The following PAX2 variants were observed in gnomAD, a reference collection of about 807,000 sequenced individuals.
PAX2 encodes paired box 2, also known as paired box protein Pax-2.
A neutral mutation model predicts 41.7 loss-of-function variants in PAX2; 9 were observed. The ratio of observed to expected loss-of-function variants is 0.22; its 90% CI spans 0.13 to 0.38. The LOEUF (loss-of-function observed/expected upper bound fraction) is 0.38, where lower values mean the gene tolerates loss of function less well. Among genes scored for constraint, PAX2 ranks in the 10% least tolerant of loss-of-function variants. The pLI, the probability that PAX2 is intolerant of heterozygous loss-of-function variation, is 1.00. For missense variants in PAX2, 418 were observed against 531.6 expected, an observed-to-expected ratio of 0.79 and a Z score of 2.10; for synonymous variants, 221 against 212.7, an observed-to-expected ratio of 1.04 and a Z score of -0.34.
At chr10:100,740,378 A>C (rs978855155) in intron 1 of PAX2, among the ~76,000 whole-genome samples, 24 of 152,198 alleles carry the variant, frequency 1.6e-4, no homozygotes, top group African/African-American at 5.6e-4. Flanking sequence ...GGAGGTATAG[A>C]CAGAGGGAAG....
intron 6 of PAX2, among the ~76,000 whole-genome samples, chr10:100,807,360 G>A (rs1023499479): frequency 9.3e-5 from 14 of 150,644 alleles, no homozygotes; most frequent in South Asian, 8.5e-4. Context: ...CACAGCCCAC[G>A]GTACTGTGCT....
chr10:100,793,685 T>C (rs1847220522), intron 5 of PAX2, among the ~76,000 whole-genome samples: 1 of 152,210 alleles, frequency 6.6e-6, no homozygotes, highest in African/African-American at 2.4e-5. Context: ...AAGGGGCCCC[T>C]CAGACAATCC....
intron 1 of PAX2, chr10:100,747,466 A>AT (rs149397887): frequency 0.063 from 15,018 of 237,334 alleles, 774 homozygotes; most frequent in African/African-American, 0.16. Context: ...CTATTCTGAG[A>AT]TTTTTTTTGC....
intron 7 of PAX2, among the ~76,000 whole-genome samples, chr10:100,812,206 T>C (rs1848012947): frequency 6.6e-6 from 1 of 152,212 alleles, no homozygotes; most frequent in African/African-American, 2.4e-5. Flanking sequence ...TGGGTAGTGT[T>C]TGCAAGTTCT....
intron 3 of PAX2, among the ~76,000 whole-genome samples, chr10:100,755,663 G>A (rs1029872333): frequency 6.6e-6 from 1 of 152,180 alleles, no homozygotes; most frequent in African/African-American, 2.4e-5. Context: ...ACCCTGAGAG[G>A]CAACAATCAG....
Position 100,828,040 on chromosome 10 carries a change from G to C in PAX2, c.*421G>C, listed in dbSNP as rs1031281110. 21 of 242,326 alleles carry C rather than the reference G, an allele frequency of 8.7e-5. No homozygotes were observed. Among genetic ancestry groups the C allele is most frequent in the African/African-American group, 4.4e-4 (20 of 45,144 alleles). 15.0% of individuals were successfully genotyped at this position (242,326 alleles called of 1,614,324 possible). A position where few individuals can be genotyped will look rare whatever the true frequency, so the allele number is the denominator to read the frequency against. The stretch of plus-strand genomic sequence containing the variant: ...CACAATCAGCGCGGACCGCAGCGCG[G>C]CCCAGCCCCGGGCACCCGCCTCGGA... On this transcript the variant is annotated 3_prime_UTR_variant, in exon 10 of 10. Transcript: ENST00000355243. The surrounding 1 kb of genome is among the most constrained non-coding windows in gnomAD (Gnocchi z 6.5).
chr10:100,762,813 T>A (rs538258946), intron 3 of PAX2, among the ~76,000 whole-genome samples: 1 of 152,278 alleles, frequency 6.6e-6, no homozygotes, highest in South Asian at 2.1e-4. Flanking sequence ...TGACAATACA[T>A]AGAGATGCTA....
At chr10:100,819,594 A>AAACATC (rs1848314117) in intron 7 of PAX2, among the ~76,000 whole-genome samples, 1 of 152,168 alleles carries the variant, frequency 6.6e-6, no homozygotes, top group African/African-American at 2.4e-5. Context: ...ATAAAAATAA[A>AAACATC]AACATCAACA....
At chr10:100,766,470 T>C (rs1419931283) in intron 3 of PAX2, among the ~76,000 whole-genome samples, 2 of 152,162 alleles carry the variant, frequency 1.3e-5, no homozygotes, top group East Asian at 3.9e-4. Flanking sequence ...GCTGTTCCCA[T>C]TGGGATTGGC....
At chr10:100,769,093 C>T (rs915920253) in intron 3 of PAX2, among the ~76,000 whole-genome samples, 6 of 152,140 alleles carry the variant, frequency 3.9e-5, no homozygotes, top group Admixed American at 6.5e-5. Flanking sequence ...AATGGTTAGC[C>T]GCATAAGTTC....
rs191233693 is a variant in PAX2, at chr10:100,783,321, G to A, written c.616+1956G>A. ...TTCTAGTGGGGCATGTTAAACATGT[G>A]AGCTCAAAGAGCAGATAGGCCCATC... On this transcript the variant is annotated intron_variant, in intron 5 of 9. Transcript: ENST00000355243. Among the ~76,000 whole-genome samples the A allele has an allele frequency of 2.2e-4, 34 of 152,332 alleles. 1 individual carries two copies. The highest frequency in any genetic ancestry group is 1.8e-3 in the Admixed American group (27 of 15,304).
At chr10:100,774,384 C>T (rs573403795) in intron 3 of PAX2, among the ~76,000 whole-genome samples, 1 of 152,270 alleles carries the variant, frequency 6.6e-6, no homozygotes, top group African/African-American at 2.4e-5. Flanking sequence ...CCTGTGGATC[C>T]TTGCCAGTGA....
intron 3 of PAX2, among the ~76,000 whole-genome samples, chr10:100,757,826 A>T (rs1845689101): frequency 6.6e-6 from 1 of 152,160 alleles, no homozygotes; most frequent in Non-Finnish European, 1.5e-5. Flanking sequence ...AGGTCTCCTG[A>T]GGAAGGCTGG....
chr10:100,774,094 G>C (rs1846304877), intron 3 of PAX2, among the ~76,000 whole-genome samples: 1 of 152,196 alleles, frequency 6.6e-6, no homozygotes, highest in South Asian at 2.1e-4. Context: ...GGAAGGAGGA[G>C]GAAGAGAGAG....
Position 100,745,887 on chromosome 10 carries a change from C to T in PAX2, c.-374C>T, listed in dbSNP as rs1845145051. On this transcript the variant is annotated 5_prime_UTR_variant, in exon 1 of 10. Coordinates refer to ENST00000355243, the MANE Select transcript of PAX2 (RefSeq NM_000278.5). ...CTCCGACCACCGCCTCTCGGATGAC[C>T]AGGTTCCAGGGGAGCTGAGCGAGTC... 1.2e-5 allele frequency: 13 copies of T among 1,124,576 alleles called. No homozygotes were observed. Among genetic ancestry groups the T allele is most frequent in the Non-Finnish European group, 1.3e-5 (12 of 919,604 alleles). The allele number at this position is 1,124,576 out of a possible 1,614,324, so 69.7% of individuals were successfully genotyped here. A position where few individuals can be genotyped will look rare whatever the true frequency, so the allele number is the denominator to read the frequency against.
At chr10:100,817,100 A>T (rs1372802062) in intron 7 of PAX2, among the ~76,000 whole-genome samples, 2 of 152,108 alleles carry the variant, frequency 1.3e-5, no homozygotes, top group Non-Finnish European at 2.9e-5. Context: ...CTCTGAGCCC[A>T]TCTTTGAGCC....
At chr10:100,799,752 T>G (rs1461229810) in intron 5 of PAX2, among the ~76,000 whole-genome samples, 2 of 152,142 alleles carry the variant, frequency 1.3e-5, no homozygotes, top group South Asian at 2.1e-4. Flanking sequence ...AGATAGATGT[T>G]TGTATTTGAG....
chr10:100,827,013 C>T lies in PAX2; in HGVS notation c.1026C>T (p.Ser342=). ...CACTCCCCGACCCTCCCGCAGGGAGCGAGTTCTCCGGCAACCCGTACAGCC... is the reference window on the plus strand; with the variant it reads ...CACTCCCCGACCCTCCCGCAGGGAGTGAGTTCTCCGGCAACCCGTACAGCC... ...TSTLAGMVPG[S]EFSGNPYSHP... The change falls in exon 9 of 10, where the codon AGC becomes AGT. Residue 342 remains serine (S), a synonymous_variant. Transcript: ENST00000355243. The surrounding 1 kb of genome is among the most constrained non-coding windows in gnomAD (Gnocchi z 8.5). The T allele has an allele frequency of 6.2e-7, 1 of 1,612,138 alleles. No individual in the cohort carries two copies. The highest frequency in any genetic ancestry group is 8.5e-7 in the Non-Finnish European group (1 of 1,178,244).
chr10:100,781,236 T>A lies in PAX2; in HGVS notation c.497-10T>A. 6.2e-7 allele frequency: 1 copy of A among 1,613,968 alleles called. No individual in the cohort carries two copies. The highest frequency in any genetic ancestry group is 8.5e-7 in the Non-Finnish European group (1 of 1,179,884). On this transcript the variant is annotated splice_polypyrimidine_tract_variant and intron_variant, in intron 4 of 9. Coordinates refer to ENST00000355243, the MANE Select transcript of PAX2 (RefSeq NM_000278.5). The stretch of plus-strand genomic sequence containing the variant: ...TATCCTGATGCCATTTCCTCCTTCC[T>A]CTCATCCAGTTCCCAGCACGGCCTC...
Sources: gnomAD v4.1 joint callset for allele counts (sites outside exome capture counted in the v4.1 genomes callset) on GRCh38, gnomAD v4.1.1 for gene constraint, Gnocchi (gnomAD v3.1) non-coding constraint, MANE v1.5 for transcripts, NCBI Gene and HGNC (gene_info 2026-07-23, HGNC 2026-07-21) for gene names.